Variants in FAM124A observed in about 807,000 individuals in gnomAD.
FAM124A encodes protein FAM124A.
Under a neutral mutation model 24.5 loss-of-function variants are expected in FAM124A, and 23 were observed. The observed-to-expected ratio is 0.94, with a 90% confidence interval of 0.68 to 1.33. The LOEUF (loss-of-function observed/expected upper bound fraction) is 1.33. Among genes scored for constraint, FAM124A ranks in the 40% most tolerant of loss-of-function variants. The pLI is 0.00. For synonymous variants in FAM124A, 287 were observed against 314.7 expected, an observed-to-expected ratio of 0.91 and a Z score of 0.93; for missense variants, 623 against 722.8, an observed-to-expected ratio of 0.86 and a Z score of 1.58.
At chr13:51,270,799 G>A (rs1029062430) in intron 3 of FAM124A, among the ~76,000 whole-genome samples, 6 of 152,304 alleles carry the variant, frequency 3.9e-5, no homozygotes, top group South Asian at 2.1e-4. Flanking sequence ...TCCTGTGGGC[G>A]GTTAGTTGAT....
chr13:51,234,339 C>G (rs1954412942), intron 2 of FAM124A, among the ~76,000 whole-genome samples: 1 of 152,182 alleles, frequency 6.6e-6, no homozygotes, highest in Admixed American at 6.5e-5. Flanking sequence ...AGACCTCCCT[C>G]CAGAGAGCAC....
In FAM124A at chr13:51,251,745, G is replaced by T. The variant is rs1374833040; in HGVS notation, c.378G>T (p.Pro126=). The T allele has an allele frequency of 1.9e-6, 3 of 1,584,228 alleles. No individual in the cohort carries two copies. In the South Asian group the frequency reaches 3.4e-5, roughly 18 times the overall value. Residue 126 remains proline (P), a synonymous_variant, in exon 3 of 4, where the codon CCG becomes CCT. Transcript: ENST00000322475. The surrounding 1 kb of genome is among the most constrained non-coding windows in gnomAD (Gnocchi z 5.3). ...AGCTGCACCGCACACTGCAGCAGCCGCCCTGGCGCCACCACCACACCGAGC... is the reference window on the plus strand; with the variant it reads ...AGCTGCACCGCACACTGCAGCAGCCTCCCTGGCGCCACCACCACACCGAGC... The part of the protein sequence containing the change: ...ILQLHRTLQQ[P]PWRHHHTEQV...
chr13:51,276,789 TG>T lies in FAM124A; in HGVS notation c.835-3660del, dbSNP rs199701225. ...AGCCCCAAATTTGTATTAGTCCCTG[TG>T]TTAAAATGGCCATCACGGGCTCATT... On this transcript the variant is annotated intron_variant, in intron 3 of 3. Transcript: ENST00000322475. 3.8e-3 allele frequency among the ~76,000 whole-genome samples: 581 copies of T among 152,344 alleles called. 21 individuals are homozygous for T. In the East Asian group the frequency reaches 0.073, roughly 19 times the overall value.
Position 51,284,020 on chromosome 13 carries a change from A to G in FAM124A, c.*2764A>G, listed in dbSNP as rs528289918. The G allele has an allele frequency of 3.9e-5, 6 of 152,330 alleles. No individual in the cohort carries two copies. In the East Asian group the frequency reaches 1.2e-3, roughly 29 times the overall value. The allele number at this position is 152,330 out of a possible 1,614,324, so 9.4% of individuals were successfully genotyped here. A position where few individuals can be genotyped will look rare whatever the true frequency, so the allele number is the denominator to read the frequency against. ...TCAGGTGAGCAGGGAGAGGATGCCCACTGTAGACCACATGGAAATGGCAGT... is the reference window on the plus strand; with the variant it reads ...TCAGGTGAGCAGGGAGAGGATGCCCGCTGTAGACCACATGGAAATGGCAGT... On this transcript the variant is annotated 3_prime_UTR_variant, in exon 4 of 4. Coordinates refer to ENST00000322475, the MANE Select transcript of FAM124A (RefSeq NM_001242312.2).
chr13:51,237,958 G>A (rs893864160), intron 2 of FAM124A, among the ~76,000 whole-genome samples: 4 of 152,212 alleles, frequency 2.6e-5, no homozygotes, highest in Admixed American at 2.6e-4. Context: ...GAAGCTTTCT[G>A]TGGAGGGGCT....
At position 51,273,583 on chromosome 13, in the gene FAM124A, T is replaced by A. The variant is rs141510855; in HGVS notation, c.835-6867T>A. On this transcript the variant is annotated intron_variant, in intron 3 of 3. Transcript: ENST00000322475. ...ACATTGCGTTGGCTTAATTTTTTTT[T>A]AACTTGAATCCTTCAGGCTAGAATG... is the stretch of plus-strand genomic sequence containing the variant. 1.4e-4 allele frequency among the ~76,000 whole-genome samples: 22 copies of A among 152,272 alleles called. No homozygotes were observed. In the East Asian group the frequency reaches 4.2e-3, roughly 29 times the overall value.
At chr13:51,279,697 G>A (rs761321327) in intron 3 of FAM124A, among the ~76,000 whole-genome samples, 5 of 152,178 alleles carry the variant, frequency 3.3e-5, no homozygotes, top group Non-Finnish European at 7.3e-5. Flanking sequence ...AGGATAGGCT[G>A]GGATATGACA....
chr13:51,224,472 CA>C (rs537144914), intron 1 of FAM124A, among the ~76,000 whole-genome samples: 1 of 150,560 alleles, frequency 6.6e-6, no homozygotes, highest in Non-Finnish European at 1.5e-5. Flanking sequence ...ACTCCATCTC[CA>C]AAAAAAAAGG....
At chr13:51,262,329 ATAATT>A (rs775702461) in intron 3 of FAM124A, among the ~76,000 whole-genome samples, 85 of 148,616 alleles carry the variant, frequency 5.7e-4, no homozygotes, top group Admixed American at 2.5e-3. Flanking sequence ...ACTTTTAATT[ATAATT>A]TTATTAGAAA....
chr13:51,270,610 A>G (rs1345877557), intron 3 of FAM124A, among the ~76,000 whole-genome samples: 1 of 152,244 alleles, frequency 6.6e-6, no homozygotes, highest in Admixed American at 6.5e-5. Flanking sequence ...CCTAAATTCT[A>G]TTTGCTGAGA....
chr13:51,231,337 TTG>T lies in FAM124A; in HGVS notation c.69-7_69-6del. ...AAAGAATTCTACTAACGCTGAGGTC[TTG>T]TGTTTCAGGTCCGACTACAGCCACC... On this transcript the variant is annotated splice_polypyrimidine_tract_variant and intron_variant, in intron 1 of 3. Transcript: ENST00000322475. 1 of 1,613,760 alleles carries T rather than the reference TTG, an allele frequency of 6.2e-7. No individual in the cohort carries two copies. The highest frequency in any genetic ancestry group is 8.5e-7 in the Non-Finnish European group (1 of 1,179,908).
chr13:51,240,688 T>A (rs1273053759), intron 2 of FAM124A, among the ~76,000 whole-genome samples: 1 of 152,204 alleles, frequency 6.6e-6, no homozygotes, highest in East Asian at 1.9e-4. Context: ...AAGAAGCTCC[T>A]ATTATAAAGA....
At position 51,281,147 on chromosome 13, in the gene FAM124A, C is replaced by G; in HGVS notation, c.1532C>G (p.Pro511Arg). 1 of 1,614,094 alleles carries G rather than the reference C, an allele frequency of 6.2e-7. No individual in the cohort carries two copies. The highest frequency in any genetic ancestry group is 8.5e-7 in the Non-Finnish European group (1 of 1,180,018). The change falls in exon 4 of 4, where the codon CCA (proline) becomes CGA (arginine). Residue 511 changes from proline to arginine, a missense_variant. Transcript: ENST00000322475. ...PSTSTLTDSSPQLPCDTPKVK... is the reference protein window; with the variant it reads ...PSTSTLTDSSRQLPCDTPKVK... ...ACCTCCACCCTCACAGACTCCTCCC[C>G]ACAGCTCCCATGCGATACCCCCAAA...
intron 1 of FAM124A, among the ~76,000 whole-genome samples, chr13:51,230,791 C>G (rs1566160253): frequency 6.6e-6 from 1 of 152,208 alleles, no homozygotes; most frequent in South Asian, 2.1e-4. Flanking sequence ...ACTCTAATAT[C>G]CAGCAGGCTT....
At chr13:51,229,325 C>T (rs1018477069) in intron 1 of FAM124A, among the ~76,000 whole-genome samples, 2 of 152,206 alleles carry the variant, frequency 1.3e-5, no homozygotes. Flanking sequence ...GCAGGATCAG[C>T]GTGATTGTCA....
intron 3 of FAM124A, among the ~76,000 whole-genome samples, chr13:51,259,913 G>A (rs1456542466): frequency 1.3e-5 from 2 of 152,206 alleles, no homozygotes; most frequent in Non-Finnish European, 2.9e-5. Context: ...GGTGAAGATG[G>A]CAACCTTGGG....
At chr13:51,233,141 G>A (rs545524181) in intron 2 of FAM124A, among the ~76,000 whole-genome samples, 5 of 151,984 alleles carry the variant, frequency 3.3e-5, no homozygotes, top group South Asian at 4.2e-4. Flanking sequence ...GTAGGGATTC[G>A]TTTTCCTCTA....
rs989143398 is a variant in FAM124A at position 51,280,688 on chromosome 13, A to G, written c.1073A>G (p.Gln358Arg). ...NSTPNPPWSF[Q>R]RSKSLFCLPT... ...ACCCCCAACCCTCCCTGGTCTTTCC[A>G]GAGAAGCAAGTCCTTGTTTTGTTTG... Residue 358 changes from glutamine to arginine, a missense_variant, in exon 4 of 4, where the codon CAG becomes CGG. Physicochemically the swap from Gln to Arg is conservative, Grantham distance 43 (BLOSUM62 1). Coordinates refer to ENST00000322475, the MANE Select transcript of FAM124A (RefSeq NM_001242312.2). 1.9e-6 allele frequency: 3 copies of G among 1,614,072 alleles called. No individual in the cohort carries two copies. The highest frequency in any genetic ancestry group is 2.5e-6 in the Non-Finnish European group (3 of 1,180,010).
At chr13:51,223,471 G>C (rs1226039002) in intron 1 of FAM124A, among the ~76,000 whole-genome samples, 1 of 152,104 alleles carries the variant, frequency 6.6e-6, no homozygotes, top group African/African-American at 2.4e-5. Context: ...GGGAGGGCGG[G>C]AGCTGCCTAG....
Sources: gnomAD v4.1 joint callset for allele counts (sites outside exome capture counted in the v4.1 genomes callset) on GRCh38, gnomAD v4.1.1 for gene constraint, Gnocchi (gnomAD v3.1) non-coding constraint, MANE v1.5 for transcripts, NCBI Gene and HGNC (gene_info 2026-07-23, HGNC 2026-07-21) for gene names.